Variants in CFAP61 observed in about 807,000 individuals in gnomAD.
CFAP61 encodes cilia- and flagella-associated protein 61.
Under a neutral mutation model 135.6 loss-of-function variants are expected in CFAP61, and 107 were observed. The ratio of observed to expected loss-of-function variants is 0.79; its 90% CI spans 0.67 to 0.93. The LOEUF (loss-of-function observed/expected upper bound fraction) is 0.93. Ranked by LOEUF, CFAP61 falls within the 40% of genes least tolerant of loss-of-function variation. The pLI is 0.00. For synonymous variants in CFAP61, 575 were observed against 578.5 expected, an observed-to-expected ratio of 0.99 and a Z score of 0.09; for missense variants, 1,507 against 1,556.2, an observed-to-expected ratio of 0.97 and a Z score of 0.53.
chr20:20,260,240 T>C (rs8123215), intron 20 of CFAP61, among the ~76,000 whole-genome samples: 2,196 of 152,308 alleles, frequency 0.014, 45 homozygotes, highest in African/African-American at 0.049. Context: ...TCAGGCTGGA[T>C]AGCTCTGTGT....
intron 17 of CFAP61, among the ~76,000 whole-genome samples, chr20:20,205,995 G>GC (rs1372512203): frequency 6.6e-6 from 1 of 152,038 alleles, no homozygotes; most frequent in Non-Finnish European, 1.5e-5. Context: ...TTATTTTTTG[G>GC]GGTGGGGGTT....
At chr20:20,161,717 T>C (rs1479879479) in intron 10 of CFAP61, among the ~76,000 whole-genome samples, 3 of 152,108 alleles carry the variant, frequency 2.0e-5, no homozygotes, top group African/African-American at 7.2e-5. Context: ...AGTGAGAGGA[T>C]AAAATGACTA....
chr20:20,068,823 C>A (rs893429279), intron 2 of CFAP61, among the ~76,000 whole-genome samples: 5 of 152,336 alleles, frequency 3.3e-5, no homozygotes, highest in Non-Finnish European at 5.9e-5. Flanking sequence ...TGGCTCGCTG[C>A]AACCTCTGCC....
chr20:20,059,087 T>C (rs2044591223), intron 2 of CFAP61, among the ~76,000 whole-genome samples: 1 of 151,958 alleles, frequency 6.6e-6, no homozygotes, highest in South Asian at 2.1e-4. Context: ...TCCCAGCACT[T>C]TGGGAGGCCG....
intron 8 of CFAP61, 58 bp downstream of exon 8, chr20:20,098,872 G>A: frequency 6.8e-7 from 1 of 1,461,400 alleles, no homozygotes; most frequent in Non-Finnish European, 9.3e-7. Context: ...TATACACATT[G>A]CGCTCTTCGC....
intron 24 of CFAP61, among the ~76,000 whole-genome samples, chr20:20,291,560 C>T (rs766419352): frequency 3.3e-5 from 5 of 152,166 alleles, no homozygotes; most frequent in Non-Finnish European, 7.3e-5. Context: ...TATCCATTCA[C>T]CTACTGAAGG....
intron 17 of CFAP61, among the ~76,000 whole-genome samples, chr20:20,212,349 C>G (rs757118431): frequency 3.9e-5 from 6 of 152,182 alleles, no homozygotes; most frequent in Non-Finnish European, 5.9e-5. Context: ...TAAATACATA[C>G]ACACAGAGTA....
At position 20,253,790 on chromosome 20, in the gene CFAP61, T is replaced by G. The variant is rs191581971; in HGVS notation, c.2328+2027T>G. On this transcript the variant is annotated intron_variant, in intron 20 of 26. Coordinates refer to ENST00000245957, the MANE Select transcript of CFAP61 (RefSeq NM_015585.4). ...GGTGTTCTTCAATGAACACGAAGAT[T>G]TGAACCTCTCGATTTGCCTGAGTTC... The G allele has an allele frequency of 3.2e-5, 7 of 219,386 alleles. No individual in the cohort carries two copies. The East Asian group carries it at 9.5e-4, about 30-fold the overall frequency. The allele number at this position is 219,386 out of a possible 1,614,324, so 13.6% of individuals were successfully genotyped here.
Position 20,248,489 on chromosome 20 carries a change from C to T in CFAP61, c.2159+2274C>T, listed in dbSNP as rs1182856039. ...TTTGAACCATTTCTGTCTTCTTTCC[C>T]ACCGCCCCCATCCAGCCTCTTGTGG... On this transcript the variant is annotated intron_variant, in intron 19 of 26. Transcript: ENST00000245957. 5.3e-5 allele frequency among the ~76,000 whole-genome samples: 8 copies of T among 152,132 alleles called. No homozygotes were observed. The South Asian group carries it at 1.0e-3, about 20-fold the overall frequency.
chr20:20,174,372 A>G (rs1166990704), intron 13 of CFAP61, among the ~76,000 whole-genome samples: 1 of 152,298 alleles, frequency 6.6e-6, no homozygotes, highest in South Asian at 2.1e-4. Flanking sequence ...GAAGCCATGC[A>G]CGGTCCCATA....
In CFAP61 at chr20:20,097,096, ATTTTT is replaced by A. The variant is rs3060424; in HGVS notation, c.700-1546_700-1542del. On this transcript the variant is annotated intron_variant, in intron 7 of 26. Transcript: ENST00000245957. Reference sequence around the variant, plus strand: ...GAGAACAAATAGTAGTTTAATACCTATTTTTTTTTTTTTTTTTGGTGTCATTTAAA... The same window carrying A: ...GAGAACAAATAGTAGTTTAATACCTATTTTTTTTTTTTGGTGTCATTTAAA... 9.5e-3 allele frequency among the ~76,000 whole-genome samples: 1,398 copies of A among 147,166 alleles called. 3 individuals carry two copies. Among genetic ancestry groups the A allele is most frequent in the African/African-American group, 0.013 (504 of 40,170 alleles).
At chr20:20,313,783 T>C (rs889553880) in intron 25 of CFAP61, among the ~76,000 whole-genome samples, 2 of 152,144 alleles carry the variant, frequency 1.3e-5, no homozygotes, top group Non-Finnish European at 2.9e-5. Flanking sequence ...TTCTGCAAGC[T>C]GGGGAGTTCA....
At position 20,333,321 on chromosome 20, in the gene CFAP61, A is replaced by T. The variant is rs532770128; in HGVS notation, c.3423-8510A>T. ...ACTCTTGGAACAAAGGACCATCATT[A>T]TCCCCGTTTTACAGCTAAGAAGACT... On this transcript the variant is annotated intron_variant, in intron 25 of 26. Coordinates refer to ENST00000245957, the MANE Select transcript of CFAP61 (RefSeq NM_015585.4). Among the ~76,000 whole-genome samples, 7 of 152,328 alleles carry T rather than the reference A, an allele frequency of 4.6e-5. No individual in the cohort carries two copies. In the South Asian group the frequency reaches 8.3e-4, roughly 18 times the overall value.
At chr20:20,190,905 G>A (rs2055875605) in intron 14 of CFAP61, among the ~76,000 whole-genome samples, 1 of 152,194 alleles carries the variant, frequency 6.6e-6, no homozygotes, top group East Asian at 1.9e-4. Flanking sequence ...GATTCCTTGA[G>A]GCCAGGAGTT....
chr20:20,337,904 C>T (rs1052442308), intron 25 of CFAP61, among the ~76,000 whole-genome samples: 31 of 152,138 alleles, frequency 2.0e-4, no homozygotes, highest in Non-Finnish European at 3.5e-4. Context: ...CGGAGGCCAT[C>T]CCTGGCAACT....
chr20:20,052,772 G>GA, intron 1 of CFAP61, 181 bp downstream of exon 1: 1 of 1,523,886 alleles, frequency 6.6e-7, no homozygotes, highest in South Asian at 1.2e-5. Flanking sequence ...GAGGGCGGGG[G>GA]AAGAAGGGAG....
At chr20:20,063,800 A>T (rs2045008797) in intron 2 of CFAP61, among the ~76,000 whole-genome samples, 2 of 152,214 alleles carry the variant, frequency 1.3e-5, no homozygotes, top group Admixed American at 1.3e-4. Flanking sequence ...AGCAAATGGA[A>T]AGGAATGTGA....
chr20:20,195,445 G>C (rs568143097), intron 15 of CFAP61, among the ~76,000 whole-genome samples: 3 of 152,210 alleles, frequency 2.0e-5, no homozygotes, highest in Non-Finnish European at 4.4e-5. Context: ...TGTCATCAGA[G>C]AGTCACACTC....
At chr20:20,140,719 T>C (rs2051321190) in intron 8 of CFAP61, among the ~76,000 whole-genome samples, 1 of 37,674 alleles carries the variant, frequency 2.7e-5, no homozygotes, top group Non-Finnish European at 7.0e-5. Context: ...ACTGGGTATA[T>C]ACCCAAAGGA....
Sources: allele counts gnomAD v4.1 joint callset (sites outside exome capture counted in the v4.1 genomes callset), GRCh38; gene constraint gnomAD v4.1.1; transcripts MANE v1.5; gene names NCBI Gene and HGNC (gene_info 2026-07-23, HGNC 2026-07-21).